Variants in COL4A6 observed in about 807,000 individuals in gnomAD.
COL4A6 encodes the protein collagen alpha-6(IV) chain.
COL4A6 carries 59 observed loss-of-function variants against 126.7 expected under a neutral mutation model. The ratio of observed to expected loss-of-function variants is 0.47; its 90% CI spans 0.38 to 0.58. COL4A6 has a LOEUF of 0.58. COL4A6 is among the 20% of genes least tolerant of loss of function. The probability of loss-of-function intolerance (pLI) is 0.00; values close to 1 mark genes in which losing one functional copy is unlikely to be tolerated. For synonymous variants in COL4A6, 547 were observed against 496.6 expected (o/e 1.10, Z -1.35); for missense variants, 1,285 against 1,337.3 (o/e 0.96, Z 0.61).
intron 2 of COL4A6, among the ~76,000 whole-genome samples, chrX:108,407,971 G>A (rs979527056): frequency 1.8e-5 from 2 of 111,119 alleles, no homozygotes; most frequent in Admixed American, 9.7e-5. Context: ...CCTGAGACAG[G>A]TACTATTGTG....
At chrX:108,257,530 C>G (rs1452434885) in intron 3 of COL4A6, among the ~76,000 whole-genome samples, 1 of 111,540 alleles carries the variant, frequency 9.0e-6, no homozygotes, top group Non-Finnish European at 1.9e-5. Flanking sequence ...ATCACTGATT[C>G]TGGCTTCAGA....
At chrX:108,352,798 G>A (rs763890796) in intron 2 of COL4A6, among the ~76,000 whole-genome samples, 2 of 112,240 alleles carry the variant, frequency 1.8e-5, no homozygotes, top group Admixed American at 9.4e-5. Context: ...AAGGGATTAC[G>A]TGCTTACAGC....
chrX:108,206,518 T>C lies in COL4A6; in HGVS notation c.609A>G (p.Gln203=). The stretch of plus-strand genomic sequence containing the variant: ...CAAACTAGGCTTAAATTGATCTTAC[T>C]TGTAATCCTGGTGGTCCTGCAGGTC... ...AVGPAGPPGL[Q]GPPGPPGPLG... Residue 203 remains glutamine (Q), a splice_region_variant and synonymous_variant, in exon 9 of 45, where the codon CAA becomes CAG. Transcript: ENST00000334504. The C allele has an allele frequency of 8.3e-7, 1 of 1,209,195 alleles. No individual in the cohort carries two copies. Among genetic ancestry groups the C allele is most frequent in the Non-Finnish European group, 1.1e-6 (1 of 893,359 alleles).
chrX:108,250,324 G>A (rs1276111626), intron 3 of COL4A6, among the ~76,000 whole-genome samples: 1 of 110,179 alleles, frequency 9.1e-6, no homozygotes, highest in Non-Finnish European at 1.9e-5. Context: ...AACGTTTCTC[G>A]GTGTTTAAAA....
chrX:108,345,058 GAGTGAAT>G (rs745365351), intron 2 of COL4A6, among the ~76,000 whole-genome samples: 5 of 111,429 alleles, frequency 4.5e-5, no homozygotes, highest in Non-Finnish European at 9.4e-5. Context: ...TAGACATATA[GAGTGAAT>G]ACCTGTTCCT....
chrX:108,405,011 T>C (rs1451778255), intron 2 of COL4A6, among the ~76,000 whole-genome samples: 1 of 110,476 alleles, frequency 9.1e-6, no homozygotes, highest in Non-Finnish European at 1.9e-5. Context: ...AAACATACAA[T>C]GGAAAAAGAA....
At chrX:108,256,658 CATCA>C (rs1412752768) in intron 3 of COL4A6, among the ~76,000 whole-genome samples, 1 of 111,299 alleles carries the variant, frequency 9.0e-6, no homozygotes, top group African/African-American at 3.3e-5. Context: ...GGAGCATCAG[CATCA>C]TTTGGGAGCT....
Position 108,355,200 on chromosome X carries a change from T to C in COL4A6, c.64-44372A>G, listed in dbSNP as rs749098125. On this transcript the variant is annotated intron_variant, in intron 2 of 44. Coordinates refer to ENST00000334504, the MANE Select transcript of COL4A6 (RefSeq NM_033641.4). Reference sequence around the variant, plus strand: ...CGGGTACCCATTTTGCAAGGACCACTGTAGGAAACACTGGCATTACAGAGA... The same window carrying C: ...CGGGTACCCATTTTGCAAGGACCACCGTAGGAAACACTGGCATTACAGAGA... Among the ~76,000 whole-genome samples the C allele has an allele frequency of 4.5e-5, 5 of 111,972 alleles. No homozygotes were observed. The East Asian group carries it at 1.4e-3, about 32-fold the overall frequency.
intron 5 of COL4A6, among the ~76,000 whole-genome samples, chrX:108,218,952 T>C (rs2035935596): frequency 9.0e-6 from 1 of 111,715 alleles, no homozygotes; most frequent in Non-Finnish European, 1.9e-5. Context: ...TAGAGAAGTG[T>C]CAAAGGGAAA....
At chrX:108,357,891 T>G (rs1264967501) in intron 2 of COL4A6, among the ~76,000 whole-genome samples, 2 of 111,624 alleles carry the variant, frequency 1.8e-5, no homozygotes, top group Non-Finnish European at 3.8e-5. Context: ...GAAGGCATTT[T>G]ATAGTCTTGT....
intron 2 of COL4A6, among the ~76,000 whole-genome samples, chrX:108,348,353 A>ATT (rs5903320): frequency 1.5e-4 from 16 of 108,611 alleles, no homozygotes; most frequent in Admixed American, 1.1e-3. Flanking sequence ...TTGTAGGGCT[A>ATT]TTTTTTTTTG....
In COL4A6 at chrX:108,321,514, T is replaced by C. The variant is rs1483087261; in HGVS notation, c.64-10686A>G. Among the ~76,000 whole-genome samples the C allele has an allele frequency of 4.5e-5, 5 of 111,443 alleles. No homozygotes were observed. The Admixed American group carries it at 4.8e-4, about 11-fold the overall frequency. ...ACTTACTTCACAATATTATTTGTAC[T>C]GTGTGTACATTTTCTAAATAACCTT... On this transcript the variant is annotated intron_variant, in intron 2 of 44. Transcript: ENST00000334504.
chrX:108,437,920 A>G, intron 2 of COL4A6, 22 bp downstream of exon 2: 1 of 1,209,300 alleles, frequency 8.3e-7, no homozygotes, highest in Non-Finnish European at 1.1e-6. Context: ...GGGACGGAAA[A>G]GGGTCGTGAG....
chrX:108,373,876 G>A (rs2040379808), intron 2 of COL4A6, among the ~76,000 whole-genome samples: 1 of 111,888 alleles, frequency 8.9e-6, no homozygotes, highest in African/African-American at 3.3e-5. Flanking sequence ...ATTCATTTGT[G>A]TCCCCCAAAA....
At chrX:108,270,659 G>A (rs184326835) in intron 3 of COL4A6, among the ~76,000 whole-genome samples, 102 of 112,515 alleles carry the variant, frequency 9.1e-4, no homozygotes, top group African/African-American at 1.6e-3. Flanking sequence ...TTAACTCATA[G>A]AGGTGGTATG....
intron 3 of COL4A6, among the ~76,000 whole-genome samples, chrX:108,261,638 C>T (rs1159625011): frequency 9.0e-6 from 1 of 111,334 alleles, no homozygotes; most frequent in Admixed American, 9.6e-5. Context: ...TAGCTCTAAA[C>T]CATTGGCCAG....
chrX:108,254,911 G>A (rs1257772844), intron 3 of COL4A6, among the ~76,000 whole-genome samples: 1 of 109,697 alleles, frequency 9.1e-6, no homozygotes, highest in East Asian at 2.9e-4. Flanking sequence ...GAAACCACTA[G>A]TGGAGTAAAA....
At chrX:108,423,246 T>C (rs952736083) in intron 2 of COL4A6, among the ~76,000 whole-genome samples, 1 of 111,920 alleles carries the variant, frequency 8.9e-6, no homozygotes, top group Admixed American at 9.5e-5. Context: ...GATTTGGCAA[T>C]TGACCAGTTA....
chrX:108,286,934 T>C (rs1036734550), intron 3 of COL4A6, among the ~76,000 whole-genome samples: 2 of 111,181 alleles, frequency 1.8e-5, no homozygotes, highest in Admixed American at 9.6e-5. Flanking sequence ...CATGGTGCTG[T>C]TGGAAGGAAG....
Sources: allele counts gnomAD v4.1 joint callset (sites outside exome capture counted in the v4.1 genomes callset), GRCh38; gene constraint gnomAD v4.1.1; transcripts MANE v1.5; gene names NCBI Gene and HGNC (gene_info 2026-07-23, HGNC 2026-07-21).